Variants in TAFA1 observed in about 807,000 individuals in gnomAD.
TAFA1 encodes chemokine-like protein TAFA-1.
In TAFA1, 4 loss-of-function variants were observed where a neutral mutation model predicts 18.5. That is an observed-to-expected ratio of 0.22 (90% CI 0.11 to 0.49). TAFA1 has a LOEUF of 0.49. Ranked by LOEUF, TAFA1 falls within the 20% of genes least tolerant of loss-of-function variation. The pLI is 0.98. For missense variants in TAFA1, 147 were observed against 169.0 expected, an observed-to-expected ratio of 0.87 and a Z score of 0.72; for synonymous variants, 56 against 55.2, an observed-to-expected ratio of 1.01 and a Z score of -0.06.
At chr3:68,537,063 G>C (rs756908589) in intron 3 of TAFA1, among the ~76,000 whole-genome samples, 6 of 152,082 alleles carry the variant, frequency 3.9e-5, no homozygotes, top group Non-Finnish European at 8.8e-5. Context: ...GGATAAATTT[G>C]CCTTTCTGAG....
intron 2 of TAFA1, among the ~76,000 whole-genome samples, chr3:68,363,875 A>G (rs1004216121): frequency 2.0e-5 from 3 of 152,152 alleles, no homozygotes; most frequent in African/African-American, 7.2e-5. Context: ...AGGTTACAAC[A>G]TTGCGAACAT....
intron 2 of TAFA1, among the ~76,000 whole-genome samples, chr3:68,208,896 G>T (rs748699633): frequency 2.6e-5 from 4 of 151,882 alleles, no homozygotes; most frequent in Non-Finnish European, 5.9e-5. Context: ...GCCTAATTAG[G>T]TGAGCCCTTT....
At chr3:68,259,752 G>C (rs1315328732) in intron 2 of TAFA1, among the ~76,000 whole-genome samples, 2 of 151,698 alleles carry the variant, frequency 1.3e-5, no homozygotes, top group African/African-American at 2.4e-5. Flanking sequence ...TGTTATTGGT[G>C]TATAAGAATG....
intron 3 of TAFA1, among the ~76,000 whole-genome samples, chr3:68,529,235 C>T (rs1260422567): frequency 6.6e-6 from 1 of 151,652 alleles, no homozygotes. Context: ...CCTAACGTTG[C>T]CCTCCACCCT....
chr3:68,118,751 T>C (rs987315299), intron 2 of TAFA1, among the ~76,000 whole-genome samples: 1 of 152,234 alleles, frequency 6.6e-6, no homozygotes, highest in African/African-American at 2.4e-5. Context: ...GTGTATATAA[T>C]GCATTTTACT....
chr3:68,438,623 C>T (rs1261923105), intron 3 of TAFA1, among the ~76,000 whole-genome samples: 1 of 152,138 alleles, frequency 6.6e-6, no homozygotes, highest in African/African-American at 2.4e-5. Context: ...CACCTTTCCA[C>T]TCAGCATTGC....
At chr3:68,484,683 T>A (rs758464233) in intron 3 of TAFA1, among the ~76,000 whole-genome samples, 2 of 152,178 alleles carry the variant, frequency 1.3e-5, no homozygotes, top group Non-Finnish European at 2.9e-5. Context: ...ATGGAGTGAT[T>A]CTGTCCCAAG....
At chr3:68,026,003 G>A (rs1022666745) in intron 2 of TAFA1, among the ~76,000 whole-genome samples, 1 of 152,144 alleles carries the variant, frequency 6.6e-6, no homozygotes, top group Admixed American at 6.5e-5. Context: ...AGGGCAAAAA[G>A]AAGGCTCTTA....
the TAFA1 span, among the ~76,000 whole-genome samples, chr3:67,992,132 G>T: frequency 6.6e-6 from 1 of 152,146 alleles, no homozygotes; most frequent in Admixed American, 6.5e-5. Context: ...GATTTACAAT[G>T]GTCCCTTCCC....
At chr3:68,459,977 G>A (rs2071744846) in intron 3 of TAFA1, among the ~76,000 whole-genome samples, 1 of 152,192 alleles carries the variant, frequency 6.6e-6, no homozygotes, top group Admixed American at 6.5e-5. Flanking sequence ...AGGGAAACGT[G>A]TTAAGGCCGT....
intron 2 of TAFA1, among the ~76,000 whole-genome samples, chr3:68,297,060 T>C (rs1408410654): frequency 6.6e-6 from 1 of 151,942 alleles, no homozygotes; most frequent in East Asian, 1.9e-4. Flanking sequence ...AACCCTGAGG[T>C]AGAAGGTAAA....
intron 3 of TAFA1, among the ~76,000 whole-genome samples, chr3:68,499,446 CTTTTTTTTT>C (rs752597708): frequency 5.3e-5 from 6 of 112,176 alleles, no homozygotes; most frequent in Non-Finnish European, 9.5e-5. Flanking sequence ...GTGTTCCTTT[CTTTTTTTTT>C]TTTTTTTTTG....
chr3:68,276,873 A>G (rs2067807167), intron 2 of TAFA1, among the ~76,000 whole-genome samples: 1 of 152,168 alleles, frequency 6.6e-6, no homozygotes, highest in African/African-American at 2.4e-5. Context: ...CCACTTCATC[A>G]AGCTGTACCA....
chr3:68,537,081 C>T (rs752933221), intron 3 of TAFA1, among the ~76,000 whole-genome samples: 2 of 152,052 alleles, frequency 1.3e-5, no homozygotes, highest in Non-Finnish European at 2.9e-5. Context: ...GAGAAGAATG[C>T]CTCAGTCATT....
intron 2 of TAFA1, among the ~76,000 whole-genome samples, chr3:68,416,231 C>A (rs186869048): frequency 6.6e-6 from 1 of 152,124 alleles, no homozygotes; most frequent in African/African-American, 2.4e-5. Flanking sequence ...CTTAAGTCTT[C>A]TCTCCTTCCT....
chr3:68,530,137 TTTGATAAA>T (rs1379464474), intron 3 of TAFA1, among the ~76,000 whole-genome samples: 1 of 152,170 alleles, frequency 6.6e-6, no homozygotes, highest in Non-Finnish European at 1.5e-5. Context: ...CAGGTAATGT[TTTGATAAA>T]CATTTGCTGA....
chr3:68,042,500 T>A (rs978294569), intron 2 of TAFA1, among the ~76,000 whole-genome samples: 1 of 152,012 alleles, frequency 6.6e-6, no homozygotes, highest in African/African-American at 2.4e-5. Flanking sequence ...ATTAAAAAAA[T>A]TAGCTTGGTG....
intron 2 of TAFA1, among the ~76,000 whole-genome samples, chr3:68,375,366 A>G (rs2069789517): frequency 6.6e-6 from 1 of 152,216 alleles, no homozygotes; most frequent in South Asian, 2.1e-4. Flanking sequence ...GTTGATTAAA[A>G]TCATTAAGTG....
chr3:68,085,026 G>A (rs893985297), intron 2 of TAFA1, among the ~76,000 whole-genome samples: 12 of 152,092 alleles, frequency 7.9e-5, no homozygotes, highest in African/African-American at 2.7e-4. Context: ...CCATGCATCA[G>A]TAGCACACTA....
Sources: allele counts gnomAD v4.1 joint callset (sites outside exome capture counted in the v4.1 genomes callset), GRCh38; gene constraint gnomAD v4.1.1; transcripts MANE v1.5; gene names NCBI Gene and HGNC (gene_info 2026-07-23, HGNC 2026-07-21).